CALN1: variants seen among roughly 807,000 people sequenced by gnomAD.
CALN1 encodes the protein calcium-binding protein 8.
A neutral mutation model predicts 30.6 loss-of-function variants in CALN1; 17 were observed. The ratio of observed to expected loss-of-function variants is 0.56; its 90% CI spans 0.38 to 0.83. CALN1 has a LOEUF of 0.83. Among genes scored for constraint, CALN1 ranks in the 40% least tolerant of loss-of-function variants. CALN1 has a pLI of 0.00. For synonymous variants in CALN1, 156 were observed against 131.4 expected (o/e 1.19, Z -1.28); for missense variants, 291 against 354.9 (o/e 0.82, Z 1.45).
chr7:71,904,892 T>C (rs113864067), intron 5 of CALN1, among the ~76,000 whole-genome samples: 28 of 152,268 alleles, frequency 1.8e-4, no homozygotes, highest in Middle Eastern at 3.4e-3. Flanking sequence ...TATACATTTA[T>C]GGTTTTGGCT....
intron 2 of CALN1, among the ~76,000 whole-genome samples, chr7:72,315,365 A>G (rs1375686664): frequency 2.0e-5 from 3 of 152,186 alleles, no homozygotes; most frequent in Admixed American, 6.5e-5. Flanking sequence ...CAAGCAGCCA[A>G]TAAGTATATG....
chr7:72,367,900 G>C (rs1019053462), intron 2 of CALN1, among the ~76,000 whole-genome samples: 6 of 151,976 alleles, frequency 3.9e-5, no homozygotes, highest in Non-Finnish European at 8.8e-5. Flanking sequence ...TTGGGAGGCC[G>C]AGGCGGATGG....
chr7:71,882,547 C>T (rs1207082715), intron 5 of CALN1, among the ~76,000 whole-genome samples: 1 of 152,126 alleles, frequency 6.6e-6, no homozygotes, highest in East Asian at 1.9e-4. Context: ...TGGCTTTAGC[C>T]ACACTAGCCA....
chr7:71,883,189 T>C (rs1486348708), intron 5 of CALN1, among the ~76,000 whole-genome samples: 1 of 152,156 alleles, frequency 6.6e-6, no homozygotes, highest in African/African-American at 2.4e-5. Flanking sequence ...ACACACATTT[T>C]GTTTGTTCAC....
chr7:72,397,714 T>TCACACACACA (rs3138810), intron 2 of CALN1, among the ~76,000 whole-genome samples: 5,904 of 142,792 alleles, frequency 0.041, 113 homozygotes, highest in Middle Eastern at 0.054. Flanking sequence ...CCATTCTCTC[T>TCACACACACA]CACACACACA....
intron 4 of CALN1, among the ~76,000 whole-genome samples, chr7:72,029,679 A>G (rs898861580): frequency 2.6e-5 from 4 of 152,160 alleles, no homozygotes; most frequent in African/African-American, 9.7e-5. Context: ...TCCCTAATGT[A>G]TGAGGTTCAG....
chr7:72,069,421 A>G (rs1193882543), intron 4 of CALN1, among the ~76,000 whole-genome samples: 8 of 152,212 alleles, frequency 5.3e-5, no homozygotes, highest in Non-Finnish European at 8.8e-5. Context: ...AGAAGTCTGA[A>G]ATCAGTATCA....
chr7:71,933,227 A>G (rs1300128867), intron 5 of CALN1, among the ~76,000 whole-genome samples: 2 of 152,156 alleles, frequency 1.3e-5, no homozygotes, highest in Admixed American at 6.5e-5. Flanking sequence ...GCGCCAGTTA[A>G]GTGGGAAACC....
At chr7:72,395,763 A>C (rs1585653183) in intron 2 of CALN1, among the ~76,000 whole-genome samples, 1 of 152,098 alleles carries the variant, frequency 6.6e-6, no homozygotes, top group South Asian at 2.1e-4. Context: ...GAAGGAAAAG[A>C]TTTGGTCAAT....
chr7:72,207,466 T>C (rs1784411220), intron 3 of CALN1, among the ~76,000 whole-genome samples: 2 of 150,634 alleles, frequency 1.3e-5, no homozygotes, highest in South Asian at 4.1e-4. Context: ...AGTTTGTTTA[T>C]TTAGTAGTAG....
chr7:72,090,470 T>G (rs544568977), intron 4 of CALN1, among the ~76,000 whole-genome samples: 47 of 152,294 alleles, frequency 3.1e-4, no homozygotes, highest in African/African-American at 1.0e-3. Context: ...ATTTGAGAGA[T>G]ATTACTGAGA....
At chr7:72,236,562 G>A (rs183252963) in intron 3 of CALN1, among the ~76,000 whole-genome samples, 50 of 152,358 alleles carry the variant, frequency 3.3e-4, no homozygotes, top group African/African-American at 1.2e-3. Context: ...TCATTGGCAT[G>A]CCTGAAAAAG....
At chr7:72,239,086 T>C (rs1238126401) in intron 3 of CALN1, among the ~76,000 whole-genome samples, 2 of 152,158 alleles carry the variant, frequency 1.3e-5, no homozygotes, top group Non-Finnish European at 2.9e-5. Context: ...AAATACCTCC[T>C]GGTGCTTTCT....
At chr7:72,303,573 A>G (rs1488098179) in intron 2 of CALN1, among the ~76,000 whole-genome samples, 6 of 98,172 alleles carry the variant, frequency 6.1e-5, no homozygotes, top group Non-Finnish European at 1.1e-4. Context: ...AAAGAAAAAG[A>G]AAAAAAAAAA....
At chr7:72,228,657 A>G (rs1203344682) in intron 3 of CALN1, among the ~76,000 whole-genome samples, 1 of 151,894 alleles carries the variant, frequency 6.6e-6, no homozygotes, top group African/African-American at 2.4e-5. Context: ...AGGTTTAAGT[A>G]AAGGTGACGA....
chr7:71,973,307 C>T (rs1028305255), intron 5 of CALN1, among the ~76,000 whole-genome samples: 2 of 152,110 alleles, frequency 1.3e-5, no homozygotes, highest in Admixed American at 1.3e-4. Flanking sequence ...TCCCAAGTAG[C>T]TGGGATTACA....
At chr7:72,125,980 T>C (rs1462513593) in intron 3 of CALN1, among the ~76,000 whole-genome samples, 4 of 151,962 alleles carry the variant, frequency 2.6e-5, no homozygotes, top group Admixed American at 2.6e-4. Flanking sequence ...TTTGTATCTT[T>C]AGTAGAGATG....
At chr7:71,866,237 G>A (rs1171996557) in intron 5 of CALN1, among the ~76,000 whole-genome samples, 13 of 151,958 alleles carry the variant, frequency 8.6e-5, no homozygotes, top group Admixed American at 8.5e-4. Flanking sequence ...TAGATCTCCT[G>A]ACCTCGTGAT....
Position 72,322,083 on chromosome 7 carries a change from T to C in CALN1, c.120-43273A>G, listed in dbSNP as rs1018387181. Reference sequence around the variant, plus strand: ...TATTTCTATTATTATTAGATTGTAATATACAATGAAATAATTCTACAACTC... The same window carrying C: ...TATTTCTATTATTATTAGATTGTAACATACAATGAAATAATTCTACAACTC... On this transcript the variant is annotated intron_variant, in intron 2 of 6. Transcript: ENST00000395275. Among the ~76,000 whole-genome samples, 8 of 152,192 alleles carry C rather than the reference T, an allele frequency of 5.3e-5. No individual in the cohort carries two copies. In the South Asian group the frequency reaches 6.2e-4, roughly 12 times the overall value.
Sources: allele counts gnomAD v4.1 joint callset (sites outside exome capture counted in the v4.1 genomes callset), GRCh38; gene constraint gnomAD v4.1.1; transcripts MANE v1.5; gene names NCBI Gene and HGNC (gene_info 2026-07-23, HGNC 2026-07-21).